Variants in GSTZ1 observed in about 807,000 individuals in gnomAD.
The protein encoded by GSTZ1 is glutathione S-transferase zeta 1.
GSTZ1 carries 34 observed loss-of-function variants against 35.9 expected under a neutral mutation model. The observed-to-expected ratio is 0.95, with a 90% confidence interval of 0.72 to 1.26. The LOEUF is 1.26. GSTZ1 is among the 50% of genes most tolerant of loss of function. The pLI is 0.00. For missense variants in GSTZ1, 263 were observed against 271.7 expected, an observed-to-expected ratio of 0.97 and a Z score of 0.23; for synonymous variants, 93 against 101.2, an observed-to-expected ratio of 0.92 and a Z score of 0.49.
chr14:77,327,666 C>A, intron 4 of GSTZ1, 114 bp downstream of exon 4: 1 of 792,742 alleles, frequency 1.3e-6, no homozygotes, highest in Non-Finnish European at 2.2e-6. Context: ...AGGAGAGGCT[C>A]AATACAAGAC....
intron 5 of GSTZ1, 100 bp downstream of exon 5, chr14:77,328,137 A>T: frequency 5.7e-4 from 563 of 989,232 alleles, no homozygotes; most frequent in Middle Eastern, 1.3e-3. Context: ...GTGTCAAGGG[A>T]GGGAGGGGGA....
At chr14:77,329,076 C>A in intron 5 of GSTZ1, 47 bp from the exon 6 acceptor site, 1 of 1,354,048 alleles carries the variant, frequency 7.4e-7, no homozygotes, top group South Asian at 1.2e-5. Context: ...AGGGGTAGCC[C>A]CCACCCAGCT....
At chr14:77,328,168 G>T in intron 5 of GSTZ1, 131 bp downstream of exon 5, 1 of 890,596 alleles carries the variant, frequency 1.1e-6, no homozygotes. Context: ...CTCTGACCTG[G>T]ACCATGTGAA....
intron 5 of GSTZ1, chr14:77,328,782 C>A (rs886372635): frequency 9.3e-5 from 32 of 344,420 alleles, no homozygotes; most frequent in Admixed American, 7.0e-4. Context: ...AGGGACCATG[C>A]AAGGGAGAAG....
intron 2 of GSTZ1, chr14:77,326,530 C>A: frequency 3.5e-6 from 1 of 283,004 alleles, no homozygotes. Context: ...CAGGAGCCCA[C>A]AGAGTGCCAG....
At chr14:77,329,647 C>A (rs958099602) in intron 6 of GSTZ1, 108 bp from the exon 7 acceptor site, 4 of 829,464 alleles carry the variant, frequency 4.8e-6, no homozygotes, top group Non-Finnish European at 8.4e-6. Flanking sequence ...CATGCCCAGT[C>A]TGTCACTCAG....
chr14:77,321,478 C>T (rs1166239357), intron 1 of GSTZ1: 19 of 1,481,772 alleles, frequency 1.3e-5, no homozygotes, highest in Non-Finnish European at 1.7e-5. Context: ...TAACAGACCC[C>T]TCCCTCCACT....
chr14:77,321,559 A>T (rs1891979505), intron 1 of GSTZ1: 4 of 1,243,008 alleles, frequency 3.2e-6, no homozygotes, highest in Middle Eastern at 2.2e-4. Context: ...TGGCCCTAGC[A>T]GGAGGTGACC....
chr14:77,328,232 C>A, intron 5 of GSTZ1, 195 bp downstream of exon 5: 1 of 608,278 alleles, frequency 1.6e-6, no homozygotes, highest in Non-Finnish European at 2.9e-6. Flanking sequence ...GGGTCCCCCG[C>A]TGCGTTCCGA....
chr14:77,321,829 G>A (rs1892013704), intron 1 of GSTZ1, among the ~76,000 whole-genome samples: 1 of 151,406 alleles, frequency 6.6e-6, no homozygotes, highest in South Asian at 2.1e-4. Context: ...CTTGCAGTGA[G>A]CCGAGATCGC....
Position 77,327,555 on chromosome 14 carries a change from G to A in GSTZ1, c.216+3G>A. 6.3e-7 allele frequency: 1 copy of A among 1,592,840 alleles called. No homozygotes were observed. Among genetic ancestry groups the A allele is most frequent in the Non-Finnish European group, 8.6e-7 (1 of 1,164,154 alleles). Reference sequence around the variant, plus strand: ...ATGGAATCACCATTCACCAGTCAGTGAGTGCAGGGCCTGGGGGAGGGCCCT... The same window carrying A: ...ATGGAATCACCATTCACCAGTCAGTAAGTGCAGGGCCTGGGGGAGGGCCCT... On this transcript the variant is annotated splice_donor_region_variant and intron_variant, in intron 4 of 8. Transcript: ENST00000216465.
chr14:77,321,154 C>G lies in GSTZ1; in HGVS notation c.-15C>G. On this transcript the variant is annotated 5_prime_UTR_variant, in exon 1 of 9. Transcript: ENST00000216465. ...AGTTTCTCGGCCTGGAGGAGGGGGT[C>G]GCGCGAAGTGCCAGATGCAGGCGGG... The G allele has an allele frequency of 6.9e-7, 1 of 1,454,200 alleles. No homozygotes were observed. The highest frequency in any genetic ancestry group is 2.7e-5 in the Admixed American group (1 of 37,388). 90.1% of individuals were successfully genotyped at this position (1,454,200 alleles called of 1,614,324 possible).
At chr14:77,327,335 C>G (rs1892371733) in intron 3 of GSTZ1, 137 bp from the exon 4 acceptor site, 2 of 671,914 alleles carry the variant, frequency 3.0e-6, no homozygotes, top group Non-Finnish European at 5.5e-6. Context: ...AGGGATTACC[C>G]TGGGCCTAGG....
In GSTZ1 at chr14:77,330,370, G is replaced by A. The variant is rs1892559789; in HGVS notation, c.524+11G>A. ...GGCAAATGCTGAAAGGTAAGAGAGA[G>A]CCCCGCCACCCTCCCTTCTCGTGGC... On this transcript the variant is annotated intron_variant, in intron 8 of 8. Transcript: ENST00000216465. 1 of 1,606,792 alleles carries A rather than the reference G, an allele frequency of 6.2e-7. No individual in the cohort carries two copies. Among genetic ancestry groups the A allele is most frequent in the Admixed American group, 1.7e-5 (1 of 59,992 alleles).
intron 3 of GSTZ1, 153 bp downstream of exon 3, chr14:77,327,058 A>C: frequency 1.6e-6 from 1 of 644,078 alleles, no homozygotes; most frequent in Non-Finnish European, 2.8e-6. Context: ...TTGTGGGACA[A>C]GGTGGCAAGG....
rs1394435915 is a variant in GSTZ1, at chr14:77,331,097, A to G, written c.553A>G (p.Thr185Ala). The G allele has an allele frequency of 1.2e-6, 2 of 1,613,718 alleles. No individual in the cohort carries two copies. Among genetic ancestry groups the G allele is most frequent in the South Asian group, 2.2e-5 (2 of 91,048 alleles). Reference sequence around the variant, plus strand: ...CAAGGTGGATCTCACCCCCTACCCTACCATCAGCTCCATCAACAAGAGGCT... The same window carrying G: ...CAAGGTGGATCTCACCCCCTACCCTGCCATCAGCTCCATCAACAAGAGGCT... ...RFKVDLTPYP[T>A]ISSINKRLLV... Residue 185 changes from threonine (T) to alanine (A), a missense_variant, in exon 9 of 9, where the codon ACC (threonine) becomes GCC (alanine). Transcript: ENST00000216465.
chr14:77,329,900 C>T (rs1206483289), intron 7 of GSTZ1, 93 bp downstream of exon 7: 2 of 932,222 alleles, frequency 2.1e-6, no homozygotes, highest in Non-Finnish European at 1.8e-6. Context: ...GAGAAGGCGT[C>T]TGCAGGGGGA....
intron 5 of GSTZ1, chr14:77,328,859 A>T (rs1892467676): frequency 3.7e-6 from 2 of 538,096 alleles, no homozygotes; most frequent in Non-Finnish European, 6.7e-6. Context: ...GTGTCACATG[A>T]ATAGGGATTC....
chr14:77,326,613 G>C, intron 2 of GSTZ1: 1 of 508,330 alleles, frequency 2.0e-6, no homozygotes, highest in Non-Finnish European at 3.6e-6. Flanking sequence ...AGGTCTCTAA[G>C]AGTTCAGGGG....
Sources: gnomAD v4.1 joint callset for allele counts (sites outside exome capture counted in the v4.1 genomes callset) on GRCh38, gnomAD v4.1.1 for gene constraint, MANE v1.5 for transcripts, NCBI Gene and HGNC (gene_info 2026-07-23, HGNC 2026-07-21) for gene names.